The following VPS13C variants were observed in gnomAD, a reference collection of about 807,000 sequenced individuals.
The protein encoded by VPS13C is intermembrane lipid transfer protein VPS13C.
A neutral mutation model predicts 456.8 loss-of-function variants in VPS13C; 358 were observed. The ratio of observed to expected loss-of-function variants is 0.78; its 90% confidence interval spans 0.72 to 0.86. VPS13C has a LOEUF of 0.86. Among genes scored for constraint, VPS13C ranks in the 40% least tolerant of loss-of-function variants. The pLI, the probability that VPS13C is intolerant of heterozygous loss-of-function variation, is 0.00. For missense variants in VPS13C, 4,818 were observed against 4,385.4 expected, an observed-to-expected ratio of 1.10 and a Z score of -2.79; for synonymous variants, 1,578 against 1,486.7, an observed-to-expected ratio of 1.06 and a Z score of -1.41.
intron 58 of VPS13C, among the ~76,000 whole-genome samples, chr15:61,918,850 C>T (rs891105702): frequency 2.0e-5 from 3 of 152,008 alleles, no homozygotes; most frequent in African/African-American, 7.2e-5. Flanking sequence ...AATATTTACA[C>T]AGATTAAGAT....
intron 9 of VPS13C, among the ~76,000 whole-genome samples, chr15:62,019,948 CTATATATATATATACA>C (rs1567117966): frequency 6.8e-6 from 1 of 146,498 alleles, no homozygotes; most frequent in Non-Finnish European, 1.5e-5. Context: ...AATGTCCAGC[CTATATATATATATACA>C]TATATATATA....
At chr15:61,962,898 A>C in intron 32 of VPS13C, 46 bp from the exon 33 acceptor site, 1 of 1,322,588 alleles carries the variant, frequency 7.6e-7, no homozygotes, top group Non-Finnish European at 1.0e-6. Context: ...ACCTACCATA[A>C]ATAAGATCTT....
intron 8 of VPS13C, among the ~76,000 whole-genome samples, chr15:62,020,842 A>C (rs2047436066): frequency 6.6e-6 from 1 of 152,018 alleles, no homozygotes; most frequent in Non-Finnish European, 1.5e-5. Context: ...TAATCTTTTT[A>C]TGTGTATAAT....
Position 61,914,501 on chromosome 15 carries a change from G to A in VPS13C, c.8446-1086C>T, listed in dbSNP as rs141758353. On this transcript the variant is annotated intron_variant, in intron 61 of 84. Transcript: ENST00000644861. ...GGAGAATCGCTTGAACCCGGGAGGCGGAGGTTGCAGTGAGCCAAGACCACA... is the reference window on the plus strand; with the variant it reads ...GGAGAATCGCTTGAACCCGGGAGGCAGAGGTTGCAGTGAGCCAAGACCACA... 5.9e-3 allele frequency among the ~76,000 whole-genome samples: 899 copies of A among 151,720 alleles called. 7 individuals carry two copies. The highest frequency in any genetic ancestry group is 0.021 in the African/African-American group (850 of 41,382).
At chr15:61,881,463 CT>C (rs973308895) in intron 71 of VPS13C, 99 bp downstream of exon 71, 1 of 1,249,456 alleles carries the variant, frequency 8.0e-7, no homozygotes, top group Non-Finnish European at 1.1e-6. Context: ...CTGGAAAATA[CT>C]TTTTACATGA....
intron 15 of VPS13C, among the ~76,000 whole-genome samples, chr15:62,001,943 A>G (rs2046636338): frequency 6.6e-6 from 1 of 151,972 alleles, no homozygotes; most frequent in Admixed American, 6.6e-5. Context: ...GTTGGTTCCG[A>G]GTCTTTGCTA....
intron 67 of VPS13C, among the ~76,000 whole-genome samples, chr15:61,885,401 A>G (rs975658589): frequency 1.3e-5 from 2 of 152,120 alleles, no homozygotes; most frequent in African/African-American, 4.8e-5. Context: ...GTGTTTAGTC[A>G]TAGTGGTTGA....
In VPS13C at chr15:61,950,339, C is replaced by A; in HGVS notation, c.4596+19G>T. 2 of 1,594,966 alleles carry A rather than the reference C, an allele frequency of 1.3e-6. No individual in the cohort carries two copies. Among genetic ancestry groups the A allele is most frequent in the Non-Finnish European group, 1.7e-6 (2 of 1,163,546 alleles). On this transcript the variant is annotated intron_variant, in intron 41 of 84. Coordinates refer to ENST00000644861, the MANE Select transcript of VPS13C (RefSeq NM_020821.3). ...TAATCAACACAACCCAACCTTATAGCAAATTATAAAAGTTTTACCTTCAGT... is the reference window on the plus strand; with the variant it reads ...TAATCAACACAACCCAACCTTATAGAAAATTATAAAAGTTTTACCTTCAGT...
At chr15:61,971,418 C>T (rs954394189) in intron 27 of VPS13C, among the ~76,000 whole-genome samples, 2 of 152,130 alleles carry the variant, frequency 1.3e-5, no homozygotes, top group East Asian at 1.9e-4. Context: ...CCCACCACCA[C>T]GCCTAGCTAA....
Position 61,962,487 on chromosome 15 carries a change from G to T in VPS13C, c.3487C>A (p.Pro1163Thr), listed in dbSNP as rs777718133. 6.2e-6 allele frequency: 10 copies of T among 1,610,818 alleles called. 1 individual carries two copies. In the South Asian group the frequency reaches 1.1e-4, roughly 18 times the overall value. Residue 1163 changes from proline to threonine, a missense_variant, in exon 34 of 85, where the codon CCA becomes ACA. Around this residue, in one of 3 missense-constraint regions of VPS13C, gnomAD observed 4,552 missense variants for 4,130.6 expected, o/e 1.10. Coordinates refer to ENST00000644861, the MANE Select transcript of VPS13C (RefSeq NM_020821.3). ...TACAAATCCCCCTCAGTAGCATCTG[G>T]ATACAAATCCAAATTAAAACGGAAA... is the stretch of plus-strand genomic sequence containing the variant. The part of the protein sequence containing the change: ...EVFRFNLDLY[P>T]DATEGDLYTD...
intron 28 of VPS13C, among the ~76,000 whole-genome samples, chr15:61,968,473 C>T (rs1453995006): frequency 1.3e-5 from 2 of 151,912 alleles, no homozygotes; most frequent in African/African-American, 4.8e-5. Flanking sequence ...GATTTTGGTA[C>T]CCACAGAAGT....
At chr15:62,030,296 G>A (rs770981721) in intron 5 of VPS13C, among the ~76,000 whole-genome samples, 1 of 152,072 alleles carries the variant, frequency 6.6e-6, no homozygotes, top group Non-Finnish European at 1.5e-5. Flanking sequence ...GATATGATTT[G>A]GATATTGGTC....
At chr15:62,017,814 T>C (rs1178776258) in intron 9 of VPS13C, among the ~76,000 whole-genome samples, 2 of 152,244 alleles carry the variant, frequency 1.3e-5, no homozygotes, top group African/African-American at 2.4e-5. Flanking sequence ...TTTTTCCAAT[T>C]CTGTGAAGAA....
At chr15:61,923,378 G>C (rs2043726251) in intron 53 of VPS13C, among the ~76,000 whole-genome samples, 1 of 152,024 alleles carries the variant, frequency 6.6e-6, no homozygotes, top group Non-Finnish European at 1.5e-5. Context: ...CTGTGCCTTA[G>C]TTCTACACTG....
intron 1 of VPS13C, among the ~76,000 whole-genome samples, chr15:62,058,885 C>G (rs545446701): frequency 6.6e-6 from 1 of 151,828 alleles, no homozygotes; most frequent in African/African-American, 2.4e-5. Flanking sequence ...CCACTGCACT[C>G]CAGCCTTGGC....
chr15:61,942,998 A>C (rs1382515027), intron 45 of VPS13C, among the ~76,000 whole-genome samples: 1 of 152,134 alleles, frequency 6.6e-6, no homozygotes, highest in African/African-American at 2.4e-5. Context: ...AGCCAAATGA[A>C]GAACACAATC....
chr15:61,890,322 A>C lies in VPS13C; in HGVS notation c.9184T>G (p.Leu3062Val), dbSNP rs1377014317. The stretch of plus-strand genomic sequence containing the variant: ...AAGGCAACATCATCGGTGAAAAGCA[A>C]AACTCTCTGGCGCCCATCCAGAAAT... The part of the protein sequence containing the change: ...VSFLDGRQRV[L>V]LFTDDVALVS... Residue 3062 changes from leucine (L) to valine (V), a missense_variant, in exon 67 of 85, where the codon TTG becomes GTG. Leu to Val is a conservative substitution (Grantham distance 32). Transcript: ENST00000644861. 2 of 1,614,104 alleles carry C rather than the reference A, an allele frequency of 1.2e-6. No homozygotes were observed. The highest frequency in any genetic ancestry group is 1.7e-6 in the Non-Finnish European group (2 of 1,180,014).
At chr15:61,889,798 C>T (rs1305402780) in intron 67 of VPS13C, among the ~76,000 whole-genome samples, 2 of 152,076 alleles carry the variant, frequency 1.3e-5, no homozygotes, top group Non-Finnish European at 1.5e-5. Flanking sequence ...GTCACTTGTA[C>T]CTCTGTACTT....
Position 61,961,394 on chromosome 15 carries a change from AACACACACACACACACAC to A in VPS13C, c.3908+177_3908+194del, listed in dbSNP as rs66786972. Among the ~76,000 whole-genome samples, 389 of 132,702 alleles carry A rather than the reference AACACACACACACACACAC, an allele frequency of 2.9e-3. 5 individuals carry two copies. The highest frequency in any genetic ancestry group is 3.9e-3 in the African/African-American group (131 of 33,834). 87.1% of individuals were successfully genotyped at this position (132,702 alleles called of 152,430 possible). On this transcript the variant is annotated intron_variant, in intron 35 of 84. Transcript: ENST00000644861. The stretch of plus-strand genomic sequence containing the variant: ...GTGACAGACCAAGACTCCAACTCAA[AACACACACACACACACAC>A]ACACACACACACACACACACACACA...
Sources: allele counts gnomAD v4.1 joint callset (sites outside exome capture counted in the v4.1 genomes callset), GRCh38; gene constraint gnomAD v4.1.1; regional missense constraint gnomAD v4.1.1; transcripts MANE v1.5; gene names NCBI Gene and HGNC (gene_info 2026-07-23, HGNC 2026-07-21).